The following KAZN variants were observed in gnomAD, a reference collection of about 807,000 sequenced individuals.
KAZN encodes the protein kazrin, periplakin interacting protein, also known as kazrin.
In KAZN, 40 loss-of-function variants were observed where a neutral mutation model predicts 87.4. The observed-to-expected ratio is 0.46, with a 90% CI of 0.36 to 0.60. The LOEUF is 0.60. KAZN is among the 20% of genes least tolerant of loss of function. The probability of loss-of-function intolerance (pLI) is 0.00; values close to 1 mark genes in which losing one functional copy is unlikely to be tolerated. For missense variants in KAZN, 898 were observed against 1,073.9 expected (o/e 0.84, Z 2.29); for synonymous variants, 466 against 458.3 (o/e 1.02, Z -0.22).
intron 2 of KAZN, among the ~76,000 whole-genome samples, chr1:14,349,650 G>A (rs575749367): frequency 1.3e-5 from 2 of 152,230 alleles, no homozygotes; most frequent in South Asian, 4.1e-4. Context: ...AGACATTTGA[G>A]TTTGAGACCC....
intron 2 of KAZN, among the ~76,000 whole-genome samples, chr1:14,559,604 C>G (rs869839): frequency 0.29 from 44,030 of 152,052 alleles, 6,954 homozygotes; most frequent in Non-Finnish European, 0.35. Flanking sequence ...ACTGTAAATT[C>G]CCAAGACCGG....
intron 1 of KAZN, among the ~76,000 whole-genome samples, chr1:14,636,435 G>A (rs1217154188): frequency 1.3e-5 from 2 of 152,174 alleles, no homozygotes; most frequent in African/African-American, 4.8e-5. Flanking sequence ...TGAGCCCTTT[G>A]GATAGAGGGC....
At chr1:14,443,510 T>C (rs539031366) in intron 2 of KAZN, among the ~76,000 whole-genome samples, 1 of 152,362 alleles carries the variant, frequency 6.6e-6, no homozygotes, top group East Asian at 1.9e-4. Context: ...CCTGCAGTCA[T>C]CTGAGAGAGC....
At chr1:14,031,306 G>C (rs996777390) in intron 1 of KAZN, among the ~76,000 whole-genome samples, 1 of 152,178 alleles carries the variant, frequency 6.6e-6, no homozygotes, top group Non-Finnish European at 1.5e-5. Context: ...GTACAGGCAG[G>C]ATTCCCAGAA....
chr1:14,891,031 A>C (rs1268635408), intron 1 of KAZN, among the ~76,000 whole-genome samples: 4 of 149,822 alleles, frequency 2.7e-5, no homozygotes, highest in African/African-American at 7.4e-5. Flanking sequence ...TTTTTAGTAG[A>C]GATGGAGTTT....
intron 2 of KAZN, among the ~76,000 whole-genome samples, chr1:14,343,054 T>A (rs1226644259): frequency 6.6e-6 from 1 of 152,078 alleles, no homozygotes; most frequent in Non-Finnish European, 1.5e-5. Flanking sequence ...GGCAGGAGAA[T>A]CACTTGAACC....
chr1:14,895,402 A>C (rs1476143733), intron 1 of KAZN, among the ~76,000 whole-genome samples: 2 of 152,222 alleles, frequency 1.3e-5, no homozygotes, highest in Non-Finnish European at 2.9e-5. Context: ...CAGCCTAATT[A>C]GCAAAGCCGC....
chr1:15,007,411 G>T (rs1317990191), intron 2 of KAZN, among the ~76,000 whole-genome samples: 1 of 152,256 alleles, frequency 6.6e-6, no homozygotes, highest in Non-Finnish European at 1.5e-5. Context: ...CACTACCTTT[G>T]AGGTGCAGAC....
chr1:14,453,229 A>G lies in KAZN; in HGVS notation c.250-145754A>G, dbSNP rs530645344. On this transcript the variant is annotated intron_variant, in intron 2 of 16. Transcript: ENST00000636203. ...CTCGGCCTCCCAAAGTGCTGGGATTACAGGCGTGAGCCACCGTGCCTGGCC... is the reference window on the plus strand; with the variant it reads ...CTCGGCCTCCCAAAGTGCTGGGATTGCAGGCGTGAGCCACCGTGCCTGGCC... Among the ~76,000 whole-genome samples the G allele has an allele frequency of 3.3e-3, 506 of 152,222 alleles. 2 individuals carry two copies. The highest frequency in any genetic ancestry group is 4.1e-3 in the Non-Finnish European group (280 of 68,006).
chr1:14,983,800 G>T (rs1666505113), intron 2 of KAZN, among the ~76,000 whole-genome samples: 1 of 151,802 alleles, frequency 6.6e-6, no homozygotes, highest in Admixed American at 6.6e-5. Flanking sequence ...AAATAAGCTG[G>T]GCGTGGTGGC....
At chr1:14,499,499 G>T (rs926362476) in intron 2 of KAZN, among the ~76,000 whole-genome samples, 3 of 152,200 alleles carry the variant, frequency 2.0e-5, no homozygotes, top group African/African-American at 7.2e-5. Flanking sequence ...GTGGGCGCCA[G>T]GATTGTGCAA....
intron 2 of KAZN, among the ~76,000 whole-genome samples, chr1:14,225,125 C>G (rs1464555627): frequency 6.6e-6 from 1 of 152,062 alleles, no homozygotes; most frequent in African/African-American, 2.4e-5. Flanking sequence ...TGTTTGCAGA[C>G]AATATAATTT....
intron 1 of KAZN, among the ~76,000 whole-genome samples, chr1:14,933,891 A>G (rs564278471): frequency 8.7e-5 from 13 of 148,770 alleles, no homozygotes; most frequent in Admixed American, 1.3e-4. Flanking sequence ...TGTGTCACCC[A>G]GGCTGGAGTG....
chr1:14,495,905 G>C (rs1488000226), intron 2 of KAZN, among the ~76,000 whole-genome samples: 2 of 152,156 alleles, frequency 1.3e-5, no homozygotes, highest in Non-Finnish European at 2.9e-5. Context: ...GGAGTCAGTG[G>C]AACCAACGTT....
intron 1 of KAZN, among the ~76,000 whole-genome samples, chr1:14,875,186 C>T (rs182086254): frequency 8.3e-4 from 126 of 151,982 alleles, no homozygotes; most frequent in African/African-American, 2.8e-3. Context: ...ACAAAATTAT[C>T]CCGGCATGAT....
chr1:14,385,298 G>T (rs534079525), intron 2 of KAZN, among the ~76,000 whole-genome samples: 6 of 152,052 alleles, frequency 3.9e-5, no homozygotes, highest in African/African-American at 1.4e-4. Context: ...AAGATTTTTT[G>T]TGTCTCTATT....
At chr1:14,910,885 T>G (rs2101384494) in intron 1 of KAZN, among the ~76,000 whole-genome samples, 1 of 152,328 alleles carries the variant, frequency 6.6e-6, no homozygotes, top group East Asian at 1.9e-4. Context: ...TAATGTGAAT[T>G]GTTTAAAAAA....
Position 14,412,618 on chromosome 1 carries a change from G to GA in KAZN, c.250-186359dup, listed in dbSNP as rs1418321596. ...TTTATTAAAATACATAAAAGAAGAG[G>GA]AAAAAATCTAGAGAAAGGAAGGGCT... On this transcript the variant is annotated intron_variant, in intron 2 of 16. Transcript: ENST00000636203. 5.3e-5 allele frequency among the ~76,000 whole-genome samples: 8 copies of GA among 151,960 alleles called. 1 individual carries two copies. In the South Asian group the frequency reaches 1.2e-3, roughly 24 times the overall value.
At chr1:14,414,432 T>C (rs1664576407) in intron 2 of KAZN, among the ~76,000 whole-genome samples, 1 of 151,722 alleles carries the variant, frequency 6.6e-6, no homozygotes, top group Non-Finnish European at 1.5e-5. Context: ...GAGTAACTTG[T>C]AGTGTACTCA....
Sources: gnomAD v4.1 joint callset for allele counts (sites outside exome capture counted in the v4.1 genomes callset) on GRCh38, gnomAD v4.1.1 for gene constraint, MANE v1.5 for transcripts, NCBI Gene and HGNC (gene_info 2026-07-23, HGNC 2026-07-21) for gene names.